The following ZNF678 variants were observed in gnomAD, a reference collection of about 807,000 sequenced individuals.
ZNF678 encodes hypothetical protein MGC42493.
A neutral mutation model predicts 3.0 loss-of-function variants in ZNF678; 5 were observed. That is an observed-to-expected ratio of 1.69 (90% confidence interval 0.88 to 3.56). The LOEUF (loss-of-function observed/expected upper bound fraction) is 3.56. Among genes scored for constraint, ZNF678 ranks in the 30% most tolerant of loss-of-function variants. The probability of loss-of-function intolerance (pLI) is 0.00; values close to 1 mark genes in which losing one functional copy is unlikely to be tolerated. For missense variants in ZNF678, 593 were observed against 605.0 expected, an observed-to-expected ratio of 0.98 and a Z score of 0.21; for synonymous variants, 218 against 199.6, an observed-to-expected ratio of 1.09 and a Z score of -0.78.
At chr1:227,623,636 C>G (rs1571894365) in intron 1 of ZNF678, among the ~76,000 whole-genome samples, 1 of 152,090 alleles carries the variant, frequency 6.6e-6, no homozygotes, top group Middle Eastern at 3.4e-3. Flanking sequence ...ATATTTTATA[C>G]TAAAATTATT....
At chr1:227,583,352 CTTTTTTTTT>C (rs796974595) in intron 1 of ZNF678, among the ~76,000 whole-genome samples, 1 of 131,914 alleles carries the variant, frequency 7.6e-6, no homozygotes, top group African/African-American at 2.8e-5. Context: ...TTTCTTTTTT[CTTTTTTTTT>C]TTTTTTTTGA....
rs150725616 is a variant in ZNF678 at position 227,606,180 on chromosome 1, C to T, written c.-163-40364C>T. On this transcript the variant is annotated intron_variant, in intron 1 of 3. Transcript: ENST00000343776. ...AAGGACCTGCACCGGTGCCGGTCTC[C>T]GAGTTCCCTCAGTATTTATTGATTA... is the stretch of plus-strand genomic sequence containing the variant. Among the ~76,000 whole-genome samples the T allele has an allele frequency of 7.2e-3, 1,097 of 152,072 alleles. 12 individuals carry two copies. Among genetic ancestry groups the T allele is most frequent in the African/African-American group, 0.025 (1,038 of 41,518 alleles).
At chr1:227,593,918 A>C (rs1657490128) in intron 1 of ZNF678, among the ~76,000 whole-genome samples, 1 of 139,624 alleles carries the variant, frequency 7.2e-6, no homozygotes, top group Non-Finnish European at 1.5e-5. Context: ...TAGCAGCACA[A>C]GGTAGGGTAC....
intron 2 of ZNF678, among the ~76,000 whole-genome samples, chr1:227,649,851 A>G (rs931860544): frequency 3.9e-5 from 6 of 151,970 alleles, no homozygotes; most frequent in Admixed American, 6.5e-5. Context: ...CTGTTTTTCA[A>G]TTTTATTATT....
At position 227,674,446 on chromosome 1, in the gene ZNF678, G is replaced by A. The variant is rs565957446; in HGVS notation, c.227-2733G>A. Among the ~76,000 whole-genome samples, 38 of 152,160 alleles carry A rather than the reference G, an allele frequency of 2.5e-4. 1 individual carries two copies. The South Asian group carries it at 7.7e-3, about 31-fold the overall frequency. The stretch of plus-strand genomic sequence containing the variant: ...GATAAAAAATGTTGGAAGCTGGAAA[G>A]CAAATAGTATAGGACAAAAGATTGA... On this transcript the variant is annotated intron_variant, in intron 5 of 5. Transcript: ENST00000608949.
chr1:227,635,085 C>CCAA lies in ZNF678; in HGVS notation c.-163-11459_-163-11458insCAA, dbSNP rs112291585. On this transcript the variant is annotated intron_variant, in intron 1 of 3. Coordinates refer to ENST00000343776, the MANE Select transcript of ZNF678 (RefSeq NM_001367909.1). ...AGAACAAGAGTCTCTGCCTGGTAAT[C>CCAA]AAAAAAAAAAAAAATCTTAATTCTC... is the stretch of plus-strand genomic sequence containing the variant. Among the ~76,000 whole-genome samples the CCAA allele has an allele frequency of 3.8e-3, 547 of 145,608 alleles. 14 individuals are homozygous for CCAA. Among genetic ancestry groups the CCAA allele is most frequent in the Admixed American group, 0.034 (502 of 14,768 alleles).
intron 1 of ZNF678, among the ~76,000 whole-genome samples, chr1:227,639,337 G>T (rs1658760066): frequency 6.6e-6 from 1 of 152,186 alleles, no homozygotes; most frequent in South Asian, 2.1e-4. Flanking sequence ...TTGAAACTCT[G>T]CCTGTTTTTG....
intron 1 of ZNF678, among the ~76,000 whole-genome samples, chr1:227,617,468 T>C (rs1278880465): frequency 2.6e-5 from 4 of 152,168 alleles, no homozygotes; most frequent in Non-Finnish European, 4.4e-5. Flanking sequence ...GGATAGGGCC[T>C]GGTTTAACAA....
intron 5 of ZNF678, among the ~76,000 whole-genome samples, chr1:227,667,746 A>G (rs186879146): frequency 1.0e-3 from 152 of 152,344 alleles, no homozygotes; most frequent in African/African-American, 3.6e-3. Flanking sequence ...AGAGAAGTTT[A>G]CTGTCAATTA....
chr1:227,563,773 C>T, intron 1 of ZNF678, 49 bp downstream of exon 1: 4 of 1,303,054 alleles, frequency 3.1e-6, no homozygotes, highest in Non-Finnish European at 4.1e-6. Context: ...GGCCTCCCGG[C>T]GTCAGCACTA....
chr1:227,569,909 G>A (rs79206490), intron 1 of ZNF678, among the ~76,000 whole-genome samples: 49 of 146,274 alleles, frequency 3.3e-4, no homozygotes, highest in African/African-American at 4.0e-4. Flanking sequence ...TCATTTTTAT[G>A]AACTGGTTTC....
chr1:227,617,613 T>C (rs1382643425), intron 1 of ZNF678, among the ~76,000 whole-genome samples: 2 of 152,164 alleles, frequency 1.3e-5, no homozygotes, highest in Non-Finnish European at 2.9e-5. Flanking sequence ...CCTACCTCAT[T>C]ATGCACTTTG....
In ZNF678 at chr1:227,569,125, G is replaced by A. The variant is rs1656771523; in HGVS notation, c.-164+5401G>A. 2.0e-5 allele frequency among the ~76,000 whole-genome samples: 3 copies of A among 152,108 alleles called. No individual in the cohort carries two copies. In the South Asian group the frequency reaches 6.2e-4, roughly 31 times the overall value. ...CTGCCTCACCCTCTGGAATAACTAGGACTACAGGCATATACTACCATGCCT... is the reference window on the plus strand; with the variant it reads ...CTGCCTCACCCTCTGGAATAACTAGAACTACAGGCATATACTACCATGCCT... On this transcript the variant is annotated intron_variant, in intron 1 of 3. Transcript: ENST00000343776.
chr1:227,587,492 A>C (rs1047412352), intron 1 of ZNF678, among the ~76,000 whole-genome samples: 53 of 152,276 alleles, frequency 3.5e-4, no homozygotes, highest in African/African-American at 1.2e-3. Context: ...ATAATTTTTG[A>C]GAATAGAATA....
At chr1:227,574,568 G>T (rs1389565450) in intron 1 of ZNF678, among the ~76,000 whole-genome samples, 1 of 151,970 alleles carries the variant, frequency 6.6e-6, no homozygotes, top group Non-Finnish European at 1.5e-5. Context: ...TTAGACCTTT[G>T]CCAGGTGCGT....
At chr1:227,582,490 T>TA in intron 1 of ZNF678, 1 of 145,890 alleles carries the variant, frequency 6.9e-6, no homozygotes, top group Admixed American at 7.0e-5. Context: ...CCAGCTAATT[T>TA]TTTTTTTTTT....
intron 1 of ZNF678, among the ~76,000 whole-genome samples, chr1:227,636,775 C>A (rs1425439064): frequency 6.6e-6 from 1 of 152,148 alleles, no homozygotes; most frequent in Non-Finnish European, 1.5e-5. Context: ...TGGGGGAGTC[C>A]TTGGACTCTC....
intron 5 of ZNF678, among the ~76,000 whole-genome samples, chr1:227,671,563 T>C (rs1659602649): frequency 6.6e-6 from 1 of 152,192 alleles, no homozygotes; most frequent in Admixed American, 6.5e-5. Context: ...CATCCAACAC[T>C]TGCAGGGTGA....
chr1:227,563,855 G>A lies in ZNF678; in HGVS notation c.-164+131G>A, dbSNP rs769710163. 4.5e-5 allele frequency: 38 copies of A among 837,184 alleles called. 1 individual carries two copies. The highest frequency in any genetic ancestry group is 2.5e-4 in the South Asian group (18 of 70,654). The allele number at this position is 837,184 out of a possible 1,614,324, so 51.9% of individuals were successfully genotyped here. ...CTCTGGGTAGGGGCGGGGCCAGGCC[G>A]CCGCGGGATTCTCCTCCCATCACTG... is the stretch of plus-strand genomic sequence containing the variant. On this transcript the variant is annotated intron_variant, in intron 1 of 3. Transcript: ENST00000343776.
Sources: allele counts gnomAD v4.1 joint callset (sites outside exome capture counted in the v4.1 genomes callset), GRCh38; gene constraint gnomAD v4.1.1; transcripts MANE v1.5; gene names NCBI Gene and HGNC (gene_info 2026-07-23, HGNC 2026-07-21).